ZDBF2: variants seen among roughly 807,000 people sequenced by gnomAD.
The protein encoded by ZDBF2 is zinc finger DBF-type containing 2.
Under a neutral mutation model 9.4 loss-of-function variants are expected in ZDBF2, and 6 were observed. The ratio of observed to expected loss-of-function variants is 0.64; its 90% CI spans 0.35 to 1.27. The LOEUF (loss-of-function observed/expected upper bound fraction) is 1.27, where lower values mean the gene tolerates loss of function less well. ZDBF2 is among the 50% of genes most tolerant of loss of function. ZDBF2 has a pLI of 0.03. For synonymous variants in ZDBF2, 905 were observed against 946.3 expected, an observed-to-expected ratio of 0.96 and a Z score of 0.80; for missense variants, 2,697 against 2,766.8, an observed-to-expected ratio of 0.97 and a Z score of 0.57.
In ZDBF2 at chr2:206,307,414, C is replaced by A. The variant is rs773825946; in HGVS notation, c.2886C>A (p.Val962=). Residue 962 remains valine (V), a synonymous_variant, in exon 5 of 5, where the codon GTC becomes GTA. Coordinates refer to ENST00000374423, the MANE Select transcript of ZDBF2 (RefSeq NM_020923.3). ...TTGAAACAAGTTTGGATTCTGATGTCCCTCTTCAGGCAGCGACTCACAAAC... is the reference window on the plus strand; with the variant it reads ...TTGAAACAAGTTTGGATTCTGATGTACCTCTTCAGGCAGCGACTCACAAAC... ...SVFETSLDSD[V]PLQAATHKPE... is the part of the protein sequence containing the mutation. The A allele has an allele frequency of 2.5e-6, 4 of 1,612,744 alleles. No individual in the cohort carries two copies. The Admixed American group carries it at 6.7e-5, about 27-fold the overall frequency.
intron 4 of ZDBF2, among the ~76,000 whole-genome samples, chr2:206,301,966 GT>G (rs879451515): frequency 1.3e-3 from 180 of 140,400 alleles, no homozygotes; most frequent in Middle Eastern, 7.4e-3. Flanking sequence ...TTTAAAAAAT[GT>G]TTTTTTTTTT....
At position 206,274,818 on chromosome 2, in the gene ZDBF2, C is replaced by G. The variant is rs1270838479; in HGVS notation, c.-231C>G. On this transcript the variant is annotated 5_prime_UTR_variant, in exon 1 of 5. Transcript: ENST00000374423. ...CGCCTATTTCTGGCTCCGCGGGCAG[C>G]GGGGCCGTGGCGCTCGGACGGTCTG... The G allele has an allele frequency of 6.6e-6, 1 of 152,088 alleles. No homozygotes were observed. The highest frequency in any genetic ancestry group is 1.5e-5 in the Non-Finnish European group (1 of 68,002). 9.4% of individuals were successfully genotyped at this position (152,088 alleles called of 1,614,324 possible). A position where few individuals can be genotyped will look rare whatever the true frequency, so the allele number is the denominator to read the frequency against.
Position 206,311,334 on chromosome 2 carries a change from T to C in ZDBF2, c.6806T>C (p.Leu2269Pro). The change falls in exon 5 of 5, where the codon CTT (leucine) becomes CCT (proline). Residue 2269 changes from leucine to proline, a missense_variant. Around this residue, in one of 3 missense-constraint regions of ZDBF2, gnomAD observed 1,783 missense variants for 1,776.5 expected, o/e 1.00. Transcript: ENST00000374423. Reference protein sequence around the residue: ...LKKAKRTAKVLLNSSVPPAGA... With the variant: ...LKKAKRTAKVPLNSSVPPAGA... Reference sequence around the variant, plus strand: ...AAGGCGAAGAGAACAGCTAAAGTGCTTTTGAACTCTTCAGTTCCACCAGCT... The same window carrying C: ...AAGGCGAAGAGAACAGCTAAAGTGCCTTTGAACTCTTCAGTTCCACCAGCT... 1.2e-6 allele frequency: 2 copies of C among 1,603,994 alleles called. No homozygotes were observed. Among genetic ancestry groups the C allele is most frequent in the East Asian group, 2.2e-5 (1 of 44,656 alleles).
In ZDBF2 at chr2:206,305,087, C is replaced by T. The variant is rs369074435; in HGVS notation, c.559C>T (p.Pro187Ser). 5.6e-6 allele frequency: 9 copies of T among 1,613,648 alleles called. No homozygotes were observed. Among genetic ancestry groups the T allele is most frequent in the South Asian group, 2.2e-5 (2 of 91,068 alleles). The change falls in exon 5 of 5, where the codon CCT (proline) becomes TCT (serine). Residue 187 changes from proline to serine, a missense_variant. Around this residue, in one of 3 missense-constraint regions of ZDBF2, gnomAD observed 910 missense variants for 973.6 expected, o/e 0.93. Transcript: ENST00000374423. ...ACGCCCCCCAGTGATTTGTAATGCT[C>T]CTGCTAGTTGTTTACCTGAAAGCTC... is the stretch of plus-strand genomic sequence containing the variant. ...LVRPPVICNAPASCLPESSND... is the reference protein window; with the variant it reads ...LVRPPVICNASASCLPESSND...
At chr2:206,295,863 G>T (rs1692148297) in intron 3 of ZDBF2, among the ~76,000 whole-genome samples, 1 of 152,038 alleles carries the variant, frequency 6.6e-6, no homozygotes. Context: ...AGTAAAGAAA[G>T]AATCTTTCTA....
In ZDBF2 at chr2:206,283,439, A is replaced by T. The variant is rs895872557; in HGVS notation, c.60+1530A>T. Among the ~76,000 whole-genome samples, 13 of 151,664 alleles carry T rather than the reference A, an allele frequency of 8.6e-5. No homozygotes were observed. The Middle Eastern group carries it at 0.014, about 159-fold the overall frequency. ...GCCATCTTTGTGGATGTGAGATGGT[A>T]TCTCATTTTGGCTTTGATTTGCATT... On this transcript the variant is annotated intron_variant, in intron 3 of 4. Coordinates refer to ENST00000374423, the MANE Select transcript of ZDBF2 (RefSeq NM_020923.3).
intron 4 of ZDBF2, among the ~76,000 whole-genome samples, chr2:206,298,344 C>T (rs1692309433): frequency 6.6e-6 from 1 of 152,124 alleles, no homozygotes; most frequent in Admixed American, 6.5e-5. Flanking sequence ...CTGAGATGTG[C>T]ACCAGTTAGT....
In ZDBF2 at chr2:206,308,543, T is replaced by G; in HGVS notation, c.4015T>G (p.Ser1339Ala). ...TTATGTTTCAAATATCCCTCTTCAGTCAGTGATAAAACAACCACACATTTT... is the reference window on the plus strand; with the variant it reads ...TTATGTTTCAAATATCCCTCTTCAGGCAGTGATAAAACAACCACACATTTT... ...IIYVSNIPLQ[S>A]VIKQPHILEE... The change falls in exon 5 of 5, where the codon TCA becomes GCA. Residue 1339 changes from serine (S) to alanine (A), a missense_variant. Physicochemically the swap from Ser to Ala is moderately conservative, Grantham distance 99 (BLOSUM62 1). Around this residue, in one of 3 missense-constraint regions of ZDBF2, gnomAD observed 1,783 missense variants for 1,776.5 expected, o/e 1.00. Transcript: ENST00000374423. 1 of 1,613,570 alleles carries G rather than the reference T, an allele frequency of 6.2e-7. No homozygotes were observed. The highest frequency in any genetic ancestry group is 1.1e-5 in the South Asian group (1 of 90,932).
intron 3 of ZDBF2, among the ~76,000 whole-genome samples, chr2:206,283,001 C>T (rs1439610551): frequency 2.0e-5 from 3 of 152,164 alleles, no homozygotes; most frequent in Non-Finnish European, 4.4e-5. Context: ...TTTAATGTAG[C>T]GTAATATTTT....
chr2:206,306,854 A>G lies in ZDBF2; in HGVS notation c.2326A>G (p.Ile776Val). 2 of 1,613,870 alleles carry G rather than the reference A, an allele frequency of 1.2e-6. No homozygotes were observed. The highest frequency in any genetic ancestry group is 1.7e-6 in the Non-Finnish European group (2 of 1,179,812). Residue 776 changes from isoleucine (I) to valine (V), a missense_variant, in exon 5 of 5, where the codon ATT becomes GTT. Ile to Val is a conservative substitution (Grantham distance 29). This residue lies in a region of ZDBF2 where 910 missense variants were observed against 973.6 expected (regional missense o/e 0.93). Coordinates refer to ENST00000374423, the MANE Select transcript of ZDBF2 (RefSeq NM_020923.3). ...HLDAEGKERH[I>V]DLEDESCESD... ...GGATGCTGAAGGAAAAGAACGGCAC[A>G]TTGACCTGGAAGATGAGAGCTGTGA...
intron 3 of ZDBF2, among the ~76,000 whole-genome samples, chr2:206,289,392 C>T (rs367682888): frequency 2.2e-4 from 33 of 152,220 alleles, no homozygotes; most frequent in Admixed American, 1.7e-3. Context: ...TTCTTTGAGC[C>T]GCTGAGGTAC....
At position 206,305,644 on chromosome 2, in the gene ZDBF2, G is replaced by C; in HGVS notation, c.1116G>C (p.Gln372His). The C allele has an allele frequency of 6.2e-7, 1 of 1,613,696 alleles. No individual in the cohort carries two copies. Among genetic ancestry groups the C allele is most frequent in the East Asian group, 2.2e-5 (1 of 44,866 alleles). The change falls in exon 5 of 5, where the codon CAG (glutamine) becomes CAC (histidine). Residue 372 changes from glutamine (Q) to histidine (H), a missense_variant. Physicochemically the swap from Gln to His is conservative, Grantham distance 24 (BLOSUM62 0). Coordinates refer to ENST00000374423, the MANE Select transcript of ZDBF2 (RefSeq NM_020923.3). ...TGAAGTTTGATTGTATCTCTCTTCA[G>C]TCAGCATCTGATCAGCCCCAAGAGA... ...SEMKFDCISL[Q>H]SASDQPQETA...
chr2:206,282,171 G>A (rs1029555616), intron 3 of ZDBF2, among the ~76,000 whole-genome samples: 9 of 152,134 alleles, frequency 5.9e-5, no homozygotes, highest in African/African-American at 2.2e-4. Context: ...TGTGATAAAT[G>A]TTATGAGGAA....
chr2:206,297,365 A>G lies in ZDBF2; in HGVS notation c.180A>G (p.Gln60=). ...TGCAGCACCACCCATATCATTGTCA[A>G]GAGAGCAGGTAAAGTAGTTGATTGG... The part of the protein sequence containing the change: ...DVLQHHPYHC[Q]ESSSTQDETH... Residue 60 remains glutamine, a synonymous_variant, in exon 4 of 5, where the codon CAA becomes CAG. Coordinates refer to ENST00000374423, the MANE Select transcript of ZDBF2 (RefSeq NM_020923.3). 2.5e-6 allele frequency: 4 copies of G among 1,612,388 alleles called. No individual in the cohort carries two copies. Among genetic ancestry groups the G allele is most frequent in the Non-Finnish European group, 2.5e-6 (3 of 1,179,356 alleles).
In ZDBF2 at chr2:206,310,573, A is replaced by C. The variant is rs1252985385; in HGVS notation, c.6045A>C (p.Leu2015Phe). Residue 2015 changes from leucine to phenylalanine, a missense_variant, in exon 5 of 5, where the codon TTA becomes TTC. Coordinates refer to ENST00000374423, the MANE Select transcript of ZDBF2 (RefSeq NM_020923.3). ...CCTTAGTCTGTGTTCTTTCTTCTTT[A>C]AATATTAAACTGAAAGAGGGTGAAG... ...PKALVCVLSS[L>F]NIKLKEGEGL... is the part of the protein sequence containing the mutation. The C allele has an allele frequency of 1.2e-6, 2 of 1,612,552 alleles. No homozygotes were observed. Among genetic ancestry groups the C allele is most frequent in the East Asian group, 4.5e-5 (2 of 44,854 alleles).
chr2:206,310,458 A>G lies in ZDBF2; in HGVS notation c.5930A>G (p.Asp1977Gly). 1 of 1,613,852 alleles carries G rather than the reference A, an allele frequency of 6.2e-7. No individual in the cohort carries two copies. The highest frequency in any genetic ancestry group is 8.5e-7 in the Non-Finnish European group (1 of 1,179,864). Residue 1977 changes from aspartate (D) to glycine (G), a missense_variant, in exon 5 of 5, where the codon GAT (aspartate) becomes GGT (glycine). This residue lies in a region of ZDBF2 where 1,783 missense variants were observed against 1,776.5 expected (regional missense o/e 1.00). Coordinates refer to ENST00000374423, the MANE Select transcript of ZDBF2 (RefSeq NM_020923.3). ...PPKSKCSRLQ[D>G]DRKTKKKVKI... ...AAAAGTAAGTGTTCACGTTTACAGG[A>G]TGACAGAAAAACCAAAAAGAAAGTC...
intron 3 of ZDBF2, among the ~76,000 whole-genome samples, chr2:206,290,778 A>G (rs1362145463): frequency 6.6e-6 from 1 of 152,142 alleles, no homozygotes; most frequent in Non-Finnish European, 1.5e-5. Context: ...TATGTACTAC[A>G]TTATGTTCTC....
At chr2:206,280,273 C>T (rs888154128) in intron 2 of ZDBF2, among the ~76,000 whole-genome samples, 4 of 152,108 alleles carry the variant, frequency 2.6e-5, no homozygotes, top group Admixed American at 2.6e-4. Flanking sequence ...CTAGAGATGA[C>T]GGAAGTGGCA....
In ZDBF2 at chr2:206,308,742, T is replaced by C; in HGVS notation, c.4214T>C (p.Leu1405Ser). ...HIYLEDKSYK[L>S]GDFDVSYASH... The stretch of plus-strand genomic sequence containing the variant: ...TACCTGGAAGATAAGAGCTATAAAT[T>C]AGGTGATTTTGATGTAAGTTATGCT... Residue 1405 changes from leucine to serine, a missense_variant, in exon 5 of 5, where the codon TTA becomes TCA. Around this residue, in one of 3 missense-constraint regions of ZDBF2, gnomAD observed 1,783 missense variants for 1,776.5 expected, o/e 1.00. Coordinates refer to ENST00000374423, the MANE Select transcript of ZDBF2 (RefSeq NM_020923.3). 7 of 1,613,412 alleles carry C rather than the reference T, an allele frequency of 4.3e-6. No homozygotes were observed. The highest frequency in any genetic ancestry group is 5.1e-6 in the Non-Finnish European group (6 of 1,179,774).
Sources: gnomAD v4.1 joint callset for allele counts (sites outside exome capture counted in the v4.1 genomes callset) on GRCh38, gnomAD v4.1.1 for gene constraint, gnomAD v4.1.1 regional missense constraint, MANE v1.5 for transcripts, NCBI Gene and HGNC (gene_info 2026-07-23, HGNC 2026-07-21) for gene names.